The following EARS2 variants were observed in gnomAD, a reference collection of about 807,000 sequenced individuals.
The protein encoded by EARS2 is nondiscriminating glutamyl-tRNA synthetase EARS2, mitochondrial.
A neutral mutation model predicts 54.1 loss-of-function variants in EARS2; 50 were observed. The observed-to-expected ratio is 0.92, with a 90% CI of 0.74 to 1.17. The LOEUF (loss-of-function observed/expected upper bound fraction) is 1.17. Ranked by LOEUF, EARS2 falls within the 50% of genes most tolerant of loss-of-function variation. The pLI is 0.00. For synonymous variants in EARS2, 298 were observed against 281.0 expected, an observed-to-expected ratio of 1.06 and a Z score of -0.61; for missense variants, 673 against 675.0, an observed-to-expected ratio of 1.00 and a Z score of 0.03.
chr16:23,524,501 A>G lies in EARS2; in HGVS notation c.1489-47T>C, dbSNP rs201144681. The G allele has an allele frequency of 3.5e-4, 539 of 1,532,264 alleles. 4 individuals carry two copies. The East Asian group carries it at 8.8e-3, about 25-fold the overall frequency. 94.9% of individuals were successfully genotyped at this position (1,532,264 alleles called of 1,614,324 possible). A position where few individuals can be genotyped will look rare whatever the true frequency, so the allele number is the denominator to read the frequency against. ...ATTGCCTTACTACCTTAAACAGCCT[A>G]AAGAACTGAAGCTCAGCCTTAGTCT... is the stretch of plus-strand genomic sequence containing the variant. On this transcript the variant is annotated intron_variant, in intron 8 of 8. Coordinates refer to ENST00000449606, the MANE Select transcript of EARS2 (RefSeq NM_001083614.2).
At chr16:23,533,826 C>T (rs188064801) in intron 4 of EARS2, among the ~76,000 whole-genome samples, 2 of 152,200 alleles carry the variant, frequency 1.3e-5, no homozygotes, top group Admixed American at 6.5e-5. Flanking sequence ...GAGGCCAAGG[C>T]GGGTGGATCA....
intron 2 of EARS2, among the ~76,000 whole-genome samples, chr16:23,545,838 G>C (rs1258921876): frequency 6.6e-6 from 1 of 152,006 alleles, no homozygotes; most frequent in Non-Finnish European, 1.5e-5. Context: ...TATTTTTTTA[G>C]TAGAGAGCGA....
At chr16:23,527,799 C>T (rs773057259) in intron 7 of EARS2, among the ~76,000 whole-genome samples, 4 of 152,132 alleles carry the variant, frequency 2.6e-5, no homozygotes, top group African/African-American at 4.8e-5. Flanking sequence ...GTGATCGGCC[C>T]GCCTGGGCCT....
At chr16:23,544,452 A>G (rs1965566489) in intron 3 of EARS2, 62 bp downstream of exon 3, 3 of 1,501,994 alleles carry the variant, frequency 2.0e-6, no homozygotes, top group Non-Finnish European at 2.7e-6. Context: ...TTTCTTACGC[A>G]GCACAAGGTA....
rs749048646 is a variant in EARS2 at position 23,544,665 on chromosome 16, C to G, written c.334G>C (p.Ala112Pro). ...PDESPRRGGPAGPYQQSQRLE... is the reference protein window; with the variant it reads ...PDESPRRGGPPGPYQQSQRLE... Reference sequence around the variant, plus strand: ...CGCTGAGATTGCTGGTAGGGCCCAGCAGGACCGCCCCGGCGGGGGCTCTCA... The same window carrying G: ...CGCTGAGATTGCTGGTAGGGCCCAGGAGGACCGCCCCGGCGGGGGCTCTCA... Residue 112 changes from alanine to proline, a missense_variant, in exon 3 of 9, where the codon GCT becomes CCT. This residue lies in a region of EARS2 where 316 missense variants were observed against 275.2 expected (regional missense o/e 1.15). Coordinates refer to ENST00000449606, the MANE Select transcript of EARS2 (RefSeq NM_001083614.2). 5 of 1,609,258 alleles carry G rather than the reference C, an allele frequency of 3.1e-6. No homozygotes were observed. In the East Asian group the frequency reaches 6.7e-5, roughly 22 times the overall value.
At chr16:23,530,462 ATTTATT>A (rs1456994666) in intron 5 of EARS2, among the ~76,000 whole-genome samples, 1 of 151,930 alleles carries the variant, frequency 6.6e-6, no homozygotes, top group Admixed American at 6.6e-5. Flanking sequence ...ATTTTTATTT[ATTTATT>A]TTTGAGACGG....
chr16:23,548,983 C>G (rs1404925252), intron 2 of EARS2, among the ~76,000 whole-genome samples: 2 of 152,142 alleles, frequency 1.3e-5, no homozygotes, highest in African/African-American at 2.4e-5. Context: ...TTCTGTCATT[C>G]AATAAAATTC....
At chr16:23,526,318 A>T (rs535714209) in intron 7 of EARS2, among the ~76,000 whole-genome samples, 6 of 152,040 alleles carry the variant, frequency 3.9e-5, no homozygotes, top group African/African-American at 1.4e-4. Context: ...TACCATGTTG[A>T]TCAGGCCGGT....
In EARS2 at chr16:23,525,342, T is replaced by C; in HGVS notation, c.1390A>G (p.Met464Val). The change falls in exon 8 of 9, where the codon ATG (methionine) becomes GTG (valine). Residue 464 changes from methionine to valine, a missense_variant. Physicochemically the swap from Met to Val is conservative, Grantham distance 21. Around this residue, in one of 3 missense-constraint regions of EARS2, gnomAD observed 338 missense variants for 361.2 expected, o/e 0.94. Coordinates refer to ENST00000449606, the MANE Select transcript of EARS2 (RefSeq NM_001083614.2). ...ERSSMSLTQD[M>V]LNGELKKLSE... ...AGCTTCTTCAGTTCTCCATTCAGCA[T>C]ATCCTGAGTTAAGCTCATACTAGAT... 1 of 1,614,068 alleles carries C rather than the reference T, an allele frequency of 6.2e-7. No homozygotes were observed.
chr16:23,522,018 G>C lies in EARS2; in HGVS notation c.*2353C>G. Reference sequence around the variant, plus strand: ...AAAAAAAAATACTGCTTCTCTCATAGTGTTATAAAAAAAATTTACTGAGAT... The same window carrying C: ...AAAAAAAAATACTGCTTCTCTCATACTGTTATAAAAAAAATTTACTGAGAT... On this transcript the variant is annotated 3_prime_UTR_variant, in exon 9 of 9. Transcript: ENST00000449606. 1 of 338,682 alleles carries C rather than the reference G, an allele frequency of 3.0e-6. No individual in the cohort carries two copies. The highest frequency in any genetic ancestry group is 3.8e-5 in the Admixed American group (1 of 26,110). 21.0% of individuals were successfully genotyped at this position (338,682 alleles called of 1,614,324 possible). A position where few individuals can be genotyped will look rare whatever the true frequency, so the allele number is the denominator to read the frequency against.
intron 4 of EARS2, among the ~76,000 whole-genome samples, chr16:23,533,854 G>A (rs1308794109): frequency 6.6e-6 from 1 of 152,132 alleles, no homozygotes; most frequent in Non-Finnish European, 1.5e-5. Context: ...TCAGGAGTTC[G>A]AGAACAGCCT....
chr16:23,534,825 G>A, intron 4 of EARS2, 63 bp downstream of exon 4: 1 of 1,417,886 alleles, frequency 7.1e-7, no homozygotes. Flanking sequence ...GACTGTCTGA[G>A]CCAAAGCCCT....
intron 2 of EARS2, among the ~76,000 whole-genome samples, chr16:23,546,099 C>T (rs986865457): frequency 1.3e-5 from 2 of 152,128 alleles, no homozygotes; most frequent in African/African-American, 2.4e-5. Flanking sequence ...GCACTTAGCC[C>T]AGTGGTGTAT....
intron 2 of EARS2, among the ~76,000 whole-genome samples, chr16:23,549,869 G>A (rs1241295017): frequency 6.6e-6 from 1 of 152,160 alleles, no homozygotes; most frequent in Non-Finnish European, 1.5e-5. Context: ...TGGGGCCTCT[G>A]CATTGGCTAT....
rs1319518133 is a variant in EARS2, at chr16:23,524,293, C to A, written c.*78G>T. 3.1e-6 allele frequency: 4 copies of A among 1,274,828 alleles called. No homozygotes were observed. The Admixed American group carries it at 5.2e-5, about 16-fold the overall frequency. The allele number at this position is 1,274,828 out of a possible 1,614,324, so 79.0% of individuals were successfully genotyped here. A position where few individuals can be genotyped will look rare whatever the true frequency, so the allele number is the denominator to read the frequency against. ...AGCAAACTTCCCGACGGGCCCCAGGCCTCCTTCTGGTCTCTGAAAGCTGTT... is the reference window on the plus strand; with the variant it reads ...AGCAAACTTCCCGACGGGCCCCAGGACTCCTTCTGGTCTCTGAAAGCTGTT... On this transcript the variant is annotated 3_prime_UTR_variant, in exon 9 of 9. Transcript: ENST00000449606.
At chr16:23,555,263 A>G (rs1965757291) in intron 1 of EARS2, among the ~76,000 whole-genome samples, 1 of 152,184 alleles carries the variant, frequency 6.6e-6, no homozygotes, top group Non-Finnish European at 1.5e-5. Context: ...AGGCAGGTGG[A>G]TCACTTGAGC....
chr16:23,546,793 A>G (rs920933053), intron 2 of EARS2, among the ~76,000 whole-genome samples: 1 of 152,328 alleles, frequency 6.6e-6, no homozygotes, highest in South Asian at 2.1e-4. Flanking sequence ...TCCTGGGCTC[A>G]AGTGATCCTC....
chr16:23,531,070 T>C lies in EARS2; in HGVS notation c.1068-1173A>G, dbSNP rs1261455717. 3.3e-4 allele frequency among the ~76,000 whole-genome samples: 50 copies of C among 150,076 alleles called. 1 individual carries two copies. Among genetic ancestry groups the C allele is most frequent in the Admixed American group, 3.1e-3 (47 of 15,052 alleles). ...CGTCGGGCTGATTTTTTTTTTTTTT[T>C]CTATTTTTAGTAGAAATGTGGTTTC... On this transcript the variant is annotated intron_variant, in intron 5 of 8. Transcript: ENST00000449606.
chr16:23,551,066 C>A (rs1965687488), intron 2 of EARS2, among the ~76,000 whole-genome samples: 1 of 152,144 alleles, frequency 6.6e-6, no homozygotes, highest in Non-Finnish European at 1.5e-5. Context: ...AAAATCTGAG[C>A]CCAGATTTAA....
Sources: allele counts gnomAD v4.1 joint callset (sites outside exome capture counted in the v4.1 genomes callset), GRCh38; gene constraint gnomAD v4.1.1; regional missense constraint gnomAD v4.1.1; transcripts MANE v1.5; gene names NCBI Gene and HGNC (gene_info 2026-07-23, HGNC 2026-07-21).